Variants in DYNLT5 observed in about 807,000 individuals in gnomAD.
The protein encoded by DYNLT5 is dynein light chain Tctex-type 5.
A neutral mutation model predicts 19.3 loss-of-function variants in DYNLT5; 25 were observed. The observed-to-expected ratio is 1.30, with a 90% confidence interval of 0.95 to 1.81. The LOEUF is 1.81. Ranked by LOEUF, DYNLT5 falls within the 40% of genes most tolerant of loss-of-function variation. The pLI is 0.00. For synonymous variants in DYNLT5, 82 were observed against 68.9 expected, an observed-to-expected ratio of 1.19 and a Z score of -0.94; for missense variants, 232 against 217.9, an observed-to-expected ratio of 1.06 and a Z score of -0.41.
intron 3 of DYNLT5, among the ~76,000 whole-genome samples, chr1:66,775,793 G>A (rs41305634): frequency 0.016 from 2,407 of 152,302 alleles, 40 homozygotes; most frequent in South Asian, 0.04. Context: ...TAAGGACACA[G>A]GAGCACCTTT....
intron 1 of DYNLT5, among the ~76,000 whole-genome samples, chr1:66,752,858 G>A (rs1415925155): frequency 6.6e-6 from 1 of 152,210 alleles, no homozygotes; most frequent in African/African-American, 2.4e-5. Context: ...CCTGACCCGG[G>A]GCGGTCTTCC....
chr1:66,757,022 A>G (rs1481661508), intron 2 of DYNLT5, among the ~76,000 whole-genome samples: 1 of 152,206 alleles, frequency 6.6e-6, no homozygotes, highest in Admixed American at 6.5e-5. Context: ...CTTTACCTCC[A>G]GACTGCATTG....
chr1:66,765,162 T>C (rs1419319878), intron 2 of DYNLT5, among the ~76,000 whole-genome samples: 2 of 152,168 alleles, frequency 1.3e-5, no homozygotes, highest in Non-Finnish European at 2.9e-5. Flanking sequence ...TTTTTCTCTG[T>C]GCACTCTGAA....
At position 66,777,443 on chromosome 1, in the gene DYNLT5, T is replaced by C. The variant is rs1218672778; in HGVS notation, c.529T>C (p.Tyr177His). The change falls in exon 5 of 5, where the codon TAC becomes CAC. Residue 177 changes from tyrosine to histidine, a missense_variant. By Grantham distance (83) the Tyr-to-His change is moderately conservative. Transcript: ENST00000282670. The stretch of plus-strand genomic sequence containing the variant: ...CGCTCTTGCAAATGTCTATGCAGTT[T>C]ACCTTGAGTGATTGAAAATAAGAAA... ...LFALANVYAV[Y>H]LE The C allele has an allele frequency of 1.9e-6, 3 of 1,612,482 alleles. No homozygotes were observed. The highest frequency in any genetic ancestry group is 1.7e-6 in the Non-Finnish European group (2 of 1,179,132).
chr1:66,776,373 C>G lies in DYNLT5; in HGVS notation c.306C>G (p.Leu102=). ...YLQVEEYEPE[L]CRQMTKTISE... ...AAGTAGAAGAATATGAACCAGAGCT[C>G]TGTAGACAGATGACTAAAACCATTT... Residue 102 remains leucine, a synonymous_variant, in exon 4 of 5, where the codon CTC becomes CTG. Coordinates refer to ENST00000282670, the MANE Select transcript of DYNLT5 (RefSeq NM_152665.3). 1 of 1,607,840 alleles carries G rather than the reference C, an allele frequency of 6.2e-7. No homozygotes were observed. Among genetic ancestry groups the G allele is most frequent in the Non-Finnish European group, 8.5e-7 (1 of 1,176,730 alleles).
At chr1:66,757,807 T>A (rs550164856) in intron 2 of DYNLT5, among the ~76,000 whole-genome samples, 1 of 152,292 alleles carries the variant, frequency 6.6e-6, no homozygotes, top group East Asian at 1.9e-4. Flanking sequence ...GGGAACAGTT[T>A]TTTTTGCAGC....
At chr1:66,758,984 A>G (rs956358229) in intron 2 of DYNLT5, among the ~76,000 whole-genome samples, 4 of 152,176 alleles carry the variant, frequency 2.6e-5, no homozygotes, top group African/African-American at 7.2e-5. Flanking sequence ...AAAGCCCCCA[A>G]CAAGACCTAC....
rs766693507 is a variant in DYNLT5 at position 66,770,367 on chromosome 1, G to T, written c.120-20G>T. ...ATTGTTATAATAATGACTAAAATTT[G>T]TTTTCTCCCTTGTTTTTAGTTCTAT... is the stretch of plus-strand genomic sequence containing the variant. On this transcript the variant is annotated intron_variant, in intron 2 of 4. Transcript: ENST00000282670. 6.6e-7 allele frequency: 1 copy of T among 1,518,390 alleles called. No individual in the cohort carries two copies. The highest frequency in any genetic ancestry group is 1.2e-5 in the South Asian group (1 of 86,680). 94.1% of individuals were successfully genotyped at this position (1,518,390 alleles called of 1,614,324 possible).
intron 3 of DYNLT5, chr1:66,775,109 C>T (rs973821845): frequency 6.6e-6 from 1 of 152,268 alleles, no homozygotes; most frequent in African/African-American, 2.4e-5. Context: ...GGCTAATATT[C>T]CTGGGATGCA....
In DYNLT5 at chr1:66,752,518, C is replaced by T. The variant is rs1339908792; in HGVS notation, c.-70C>T. ...TGAATGAAGCCTGGGACGCGGGAGC[C>T]GCGCCGCGCGCAGTGTCTGCAGTGC... On this transcript the variant is annotated 5_prime_UTR_variant, in exon 1 of 5. Transcript: ENST00000282670. The T allele has an allele frequency of 3.0e-6, 3 of 985,462 alleles. No homozygotes were observed. Among genetic ancestry groups the T allele is most frequent in the Non-Finnish European group, 3.6e-6 (3 of 830,052 alleles). 61.0% of individuals were successfully genotyped at this position (985,462 alleles called of 1,614,324 possible). A position where few individuals can be genotyped will look rare whatever the true frequency, so the allele number is the denominator to read the frequency against.
In DYNLT5 at chr1:66,777,787, T is replaced by C; in HGVS notation, c.*333T>C. 1 of 185,902 alleles carries C rather than the reference T, an allele frequency of 5.4e-6. No individual in the cohort carries two copies. The highest frequency in any genetic ancestry group is 1.3e-4 in the South Asian group (1 of 7,982). 11.5% of individuals were successfully genotyped at this position (185,902 alleles called of 1,614,324 possible). On this transcript the variant is annotated 3_prime_UTR_variant, in exon 5 of 5. Transcript: ENST00000282670. ...TACAATTTCCTGCATTGTTTTTTAA[T>C]AAAAAGAAGCTTTAGAAAAACTATG...
chr1:66,771,832 A>G (rs1330410244), intron 3 of DYNLT5, among the ~76,000 whole-genome samples: 1 of 152,260 alleles, frequency 6.6e-6, no homozygotes, highest in Non-Finnish European at 1.5e-5. Flanking sequence ...CTGTGTTTCT[A>G]CATAAGGATA....
intron 2 of DYNLT5, among the ~76,000 whole-genome samples, chr1:66,757,304 G>A (rs558856833): frequency 1.3e-5 from 2 of 152,140 alleles, no homozygotes; most frequent in Non-Finnish European, 2.9e-5. Flanking sequence ...ATGATCCCCA[G>A]ACAGAATAAA....
At chr1:66,763,027 T>C (rs1468371533) in intron 2 of DYNLT5, among the ~76,000 whole-genome samples, 1 of 152,004 alleles carries the variant, frequency 6.6e-6, no homozygotes, top group Non-Finnish European at 1.5e-5. Flanking sequence ...CAAAAATAAG[T>C]AAATAAATGA....
At chr1:66,761,134 C>T (rs1402680414) in intron 2 of DYNLT5, among the ~76,000 whole-genome samples, 1 of 152,112 alleles carries the variant, frequency 6.6e-6, no homozygotes, top group African/African-American at 2.4e-5. Flanking sequence ...GAGTAAAATA[C>T]CTAAAAACTA....
intron 2 of DYNLT5, among the ~76,000 whole-genome samples, chr1:66,756,550 A>G (rs963290843): frequency 6.6e-6 from 1 of 152,364 alleles, no homozygotes; most frequent in African/African-American, 2.4e-5. Flanking sequence ...TTTTGAAAAT[A>G]TAAATTTCAA....
chr1:66,762,229 A>T (rs1177703202), intron 2 of DYNLT5, among the ~76,000 whole-genome samples: 1 of 152,202 alleles, frequency 6.6e-6, no homozygotes, highest in Non-Finnish European at 1.5e-5. Flanking sequence ...TTTTTCCATA[A>T]ATATAATGTA....
At chr1:66,768,664 T>A (rs1645183707) in intron 2 of DYNLT5, 2 of 152,218 alleles carry the variant, frequency 1.3e-5, no homozygotes, top group Admixed American at 1.3e-4. Context: ...TCCAGCTAAT[T>A]TGAGTTTTGT....
At chr1:66,769,613 A>G (rs976996227) in intron 2 of DYNLT5, among the ~76,000 whole-genome samples, 8 of 152,024 alleles carry the variant, frequency 5.3e-5, no homozygotes. Context: ...TCATTTTCAC[A>G]GGTGGAGAAA....
Sources: allele counts gnomAD v4.1 joint callset (sites outside exome capture counted in the v4.1 genomes callset), GRCh38; gene constraint gnomAD v4.1.1; transcripts MANE v1.5; gene names NCBI Gene and HGNC (gene_info 2026-07-23, HGNC 2026-07-21).